NKAIN2: variants seen among roughly 807,000 people sequenced by gnomAD.
NKAIN2 encodes the protein sodium/potassium-transporting ATPase subunit beta-1-interacting protein 2.
NKAIN2 carries 14 observed loss-of-function variants against 32.6 expected under a neutral mutation model. That is an observed-to-expected ratio of 0.43 (90% confidence interval 0.28 to 0.67). The LOEUF is 0.67. Among genes scored for constraint, NKAIN2 ranks in the 30% least tolerant of loss-of-function variants. The probability of loss-of-function intolerance (pLI) is 0.17; values close to 1 mark genes in which losing one functional copy is unlikely to be tolerated. For synonymous variants in NKAIN2, 80 were observed against 87.2 expected (o/e 0.92, Z 0.46); for missense variants, 198 against 258.3 (o/e 0.77, Z 1.60).
intron 4 of NKAIN2, among the ~76,000 whole-genome samples, chr6:124,663,422 CT>C (rs1241948027): frequency 3.3e-5 from 5 of 150,690 alleles, no homozygotes; most frequent in Non-Finnish European, 7.4e-5. Flanking sequence ...CAGAGCAAGA[CT>C]CCATCTCAAA....
At chr6:124,346,951 A>T (rs1798454447) in intron 2 of NKAIN2, among the ~76,000 whole-genome samples, 2 of 152,150 alleles carry the variant, frequency 1.3e-5, no homozygotes, top group Admixed American at 1.3e-4. Flanking sequence ...ACATTTTGGC[A>T]TGATTTTGCA....
chr6:124,111,199 A>G (rs1301212043), intron 1 of NKAIN2, among the ~76,000 whole-genome samples: 4 of 152,134 alleles, frequency 2.6e-5, no homozygotes, highest in African/African-American at 9.6e-5. Context: ...GTTTGGTAGA[A>G]TGCTCTTTAA....
At chr6:124,348,249 G>T (rs1798535830) in intron 2 of NKAIN2, among the ~76,000 whole-genome samples, 1 of 151,958 alleles carries the variant, frequency 6.6e-6, no homozygotes, top group Non-Finnish European at 1.5e-5. Flanking sequence ...GCCCCCACTG[G>T]GGGGTGCCTC....
rs138573160 is a variant in NKAIN2, at chr6:124,330,137, G to A, written c.193-25130G>A. Among the ~76,000 whole-genome samples the A allele has an allele frequency of 3.9e-5, 6 of 152,310 alleles. No homozygotes were observed. In the East Asian group the frequency reaches 1.2e-3, roughly 29 times the overall value. ...TGCCATCCCAATTCACCATCAGTGTGCATATTAAGAGTTTCAGTGTTACTG... is the reference window on the plus strand; with the variant it reads ...TGCCATCCCAATTCACCATCAGTGTACATATTAAGAGTTTCAGTGTTACTG... On this transcript the variant is annotated intron_variant, in intron 2 of 6. Coordinates refer to ENST00000368417, the MANE Select transcript of NKAIN2 (RefSeq NM_001040214.3).
intron 1 of NKAIN2, among the ~76,000 whole-genome samples, chr6:124,258,158 C>A (rs1406189980): frequency 2.0e-5 from 3 of 149,344 alleles, no homozygotes; most frequent in Non-Finnish European, 3.0e-5. Flanking sequence ...AAAAAAAAAA[C>A]TGAGGTATAG....
chr6:124,614,156 G>A (rs947862647), intron 3 of NKAIN2, among the ~76,000 whole-genome samples: 1 of 152,158 alleles, frequency 6.6e-6, no homozygotes. Context: ...CACTTTGGGA[G>A]GCCAAGAAGG....
At chr6:124,358,203 C>T (rs1397997819) in intron 3 of NKAIN2, among the ~76,000 whole-genome samples, 4 of 152,130 alleles carry the variant, frequency 2.6e-5, no homozygotes, top group Non-Finnish European at 4.4e-5. Flanking sequence ...GGTTCCAAGT[C>T]TTTGCTATTG....
At chr6:123,978,530 A>C (rs530243495) in intron 1 of NKAIN2, among the ~76,000 whole-genome samples, 4 of 152,328 alleles carry the variant, frequency 2.6e-5, no homozygotes, top group African/African-American at 9.6e-5. Flanking sequence ...GCTGATACAT[A>C]GTGTGAAATG....
intron 5 of NKAIN2, among the ~76,000 whole-genome samples, chr6:124,800,767 T>G (rs1164599452): frequency 6.6e-6 from 1 of 152,158 alleles, no homozygotes; most frequent in African/African-American, 2.4e-5. Context: ...CATTTTTGAG[T>G]ATAATAAATG....
At chr6:124,587,262 G>A (rs553398794) in intron 3 of NKAIN2, among the ~76,000 whole-genome samples, 3 of 151,666 alleles carry the variant, frequency 2.0e-5, no homozygotes, top group Admixed American at 1.3e-4. Flanking sequence ...ATGGAGTCTC[G>A]CTGTGTCTCC....
intron 1 of NKAIN2, among the ~76,000 whole-genome samples, chr6:123,921,402 T>C (rs2114491288): frequency 6.6e-6 from 1 of 152,346 alleles, no homozygotes; most frequent in South Asian, 2.1e-4. Flanking sequence ...AGCAAATGAT[T>C]TGTGCATTAA....
chr6:123,905,318 T>A (rs1475084551), intron 1 of NKAIN2, among the ~76,000 whole-genome samples: 1 of 151,982 alleles, frequency 6.6e-6, no homozygotes, highest in Non-Finnish European at 1.5e-5. Flanking sequence ...AATTAGTGGG[T>A]TTGCATCACA....
intron 1 of NKAIN2, among the ~76,000 whole-genome samples, chr6:123,904,636 A>C (rs1220333927): frequency 6.6e-6 from 1 of 152,206 alleles, no homozygotes. Context: ...GGTGAGAAAG[A>C]TCCTGTAATT....
At chr6:123,915,620 C>T (rs891755995) in intron 1 of NKAIN2, among the ~76,000 whole-genome samples, 2 of 152,042 alleles carry the variant, frequency 1.3e-5, no homozygotes, top group Admixed American at 1.3e-4. Flanking sequence ...GCACTTACTC[C>T]AAGATATACA....
At chr6:124,498,689 T>C (rs924295849) in intron 3 of NKAIN2, among the ~76,000 whole-genome samples, 2 of 152,106 alleles carry the variant, frequency 1.3e-5, no homozygotes, top group Non-Finnish European at 1.5e-5. Flanking sequence ...GGTGAAAGAT[T>C]TTTCTATTAT....
At chr6:124,596,715 G>A (rs1452465015) in intron 3 of NKAIN2, among the ~76,000 whole-genome samples, 1 of 149,412 alleles carries the variant, frequency 6.7e-6, no homozygotes, top group Non-Finnish European at 1.5e-5. Flanking sequence ...TGTGTGTAAT[G>A]TATATACAAA....
intron 3 of NKAIN2, among the ~76,000 whole-genome samples, chr6:124,489,109 C>T (rs1043417365): frequency 2.6e-5 from 4 of 151,774 alleles, no homozygotes; most frequent in Admixed American, 6.6e-5. Flanking sequence ...AAAATATAAT[C>T]GGAGCTTGAT....
intron 1 of NKAIN2, among the ~76,000 whole-genome samples, chr6:124,136,891 C>T: frequency 6.6e-6 from 1 of 151,948 alleles, no homozygotes; most frequent in East Asian, 1.9e-4. Context: ...TATGACAGAC[C>T]CACATCTAAT....
At chr6:124,466,129 C>A (rs1019306446) in intron 3 of NKAIN2, among the ~76,000 whole-genome samples, 9 of 152,044 alleles carry the variant, frequency 5.9e-5, no homozygotes, top group African/African-American at 2.2e-4. Context: ...GATTTAGAAT[C>A]CCAATTCAAG....
Sources: gnomAD v4.1 joint callset for allele counts (sites outside exome capture counted in the v4.1 genomes callset) on GRCh38, gnomAD v4.1.1 for gene constraint, MANE v1.5 for transcripts, NCBI Gene and HGNC (gene_info 2026-07-23, HGNC 2026-07-21) for gene names.